The following PTPN3 variants were observed in gnomAD, a reference collection of about 807,000 sequenced individuals.
PTPN3 encodes protein tyrosine phosphatase non-receptor type 3.
In PTPN3, 96 loss-of-function variants were observed where a neutral mutation model predicts 132.7. The ratio of observed to expected loss-of-function variants is 0.72; its 90% CI spans 0.61 to 0.86. PTPN3 has a LOEUF of 0.86. Among genes scored for constraint, PTPN3 ranks in the 40% least tolerant of loss-of-function variants. The pLI is 0.00. For synonymous variants in PTPN3, 398 were observed against 429.0 expected (o/e 0.93, Z 0.89); for missense variants, 1,125 against 1,159.6 (o/e 0.97, Z 0.43).
At chr9:109,529,514 G>C in the PTPN3 span, among the ~76,000 whole-genome samples, 3 of 152,148 alleles carry the variant, frequency 2.0e-5, 1 homozygote, top group Non-Finnish European at 4.4e-5. Context: ...TCCAGCAAAG[G>C]CTCCTTTATT....
chr9:109,382,992 C>T (rs987924441), intron 23 of PTPN3, among the ~76,000 whole-genome samples: 6 of 152,134 alleles, frequency 3.9e-5, no homozygotes, highest in Non-Finnish European at 8.8e-5. Context: ...TGGCAACCAC[C>T]GTTCTACTTT....
chr9:109,415,052 A>ATCCGTCCGTCCGTCCG (rs1256859475), intron 14 of PTPN3, among the ~76,000 whole-genome samples: 4 of 133,854 alleles, frequency 3.0e-5, no homozygotes, highest in South Asian at 2.8e-4. Context: ...CCGTCCGTCC[A>ATCCGTCCGTCCGTCCG]TCCGTCCATC....
At position 109,381,668 on chromosome 9, in the gene PTPN3, A is replaced by G. The variant is rs200077324; in HGVS notation, c.2648T>C (p.Met883Thr). 6.2e-7 allele frequency: 1 copy of G among 1,614,232 alleles called. No individual in the cohort carries two copies. Among genetic ancestry groups the G allele is most frequent in the East Asian group, 2.2e-5 (1 of 44,870 alleles). The change falls in exon 25 of 26, where the codon ATG becomes ACG. Residue 883 changes from methionine to threonine, a missense_variant. By Grantham distance (81) the Met-to-Thr change is moderately conservative (BLOSUM62 -1). Transcript: ENST00000374541. ...IVRKMRDQRAMMVQTSSQYKF... is the reference protein window; with the variant it reads ...IVRKMRDQRATMVQTSSQYKF... ...TCTACTCACTGATGTCTGCACCATC[A>G]TGGCGCGCTGGTCTCGCATTTTTCG...
rs546784314 is a variant in PTPN3 at position 109,491,133 on chromosome 9, T to G, written c.-18+7086A>C. ...ATTGCTTGAATCCAGGAGGCGGAGGTTGCAGTGAACTGAGATCACACCACT... is the reference window on the plus strand; with the variant it reads ...ATTGCTTGAATCCAGGAGGCGGAGGGTGCAGTGAACTGAGATCACACCACT... On this transcript the variant is annotated intron_variant, in intron 1 of 25. Coordinates refer to ENST00000374541, the MANE Select transcript of PTPN3 (RefSeq NM_002829.4). 2.1e-4 allele frequency among the ~76,000 whole-genome samples: 32 copies of G among 150,130 alleles called. No individual in the cohort carries two copies. In the East Asian group the frequency reaches 4.6e-3, roughly 21 times the overall value.
At chr9:109,409,977 C>T (rs750419081) in intron 16 of PTPN3, 22 bp downstream of exon 16, 7 of 1,611,952 alleles carry the variant, frequency 4.3e-6, no homozygotes, top group Middle Eastern at 3.3e-4. Flanking sequence ...CACAAAACTT[C>T]CTTTATAAAT....
At chr9:109,379,915 G>C (rs1838891102) in intron 25 of PTPN3, among the ~76,000 whole-genome samples, 1 of 152,188 alleles carries the variant, frequency 6.6e-6, no homozygotes, top group African/African-American at 2.4e-5. Context: ...AGCCCTTCTT[G>C]TAAGTGGAAG....
intron 9 of PTPN3, among the ~76,000 whole-genome samples, chr9:109,435,375 T>G (rs528999797): frequency 6.6e-6 from 1 of 152,188 alleles, no homozygotes; most frequent in Non-Finnish European, 1.5e-5. Flanking sequence ...ATTTAAGAGC[T>G]GGTGTGTAAC....
chr9:109,459,901 C>T (rs138737281), intron 2 of PTPN3, among the ~76,000 whole-genome samples: 203 of 152,168 alleles, frequency 1.3e-3, no homozygotes, highest in African/African-American at 4.6e-3. Flanking sequence ...CCTTAAGCAC[C>T]GTTCGCAGCT....
intron 22 of PTPN3, among the ~76,000 whole-genome samples, chr9:109,385,432 G>A (rs1839496185): frequency 6.6e-6 from 1 of 152,194 alleles, no homozygotes; most frequent in South Asian, 2.1e-4. Flanking sequence ...ACTGAATGGT[G>A]CCTTTCATGA....
intron 19 of PTPN3, among the ~76,000 whole-genome samples, chr9:109,394,725 AT>A (rs1840422692): frequency 6.6e-6 from 1 of 152,276 alleles, no homozygotes; most frequent in Non-Finnish European, 1.5e-5. Context: ...CACACAGTGT[AT>A]ATAATGTGTA....
At chr9:109,470,648 A>ATTC (rs1846333601) in intron 1 of PTPN3, among the ~76,000 whole-genome samples, 3 of 151,024 alleles carry the variant, frequency 2.0e-5, no homozygotes, top group Admixed American at 2.0e-4. Flanking sequence ...GGGAGCTATG[A>ATTC]CCGCACCACT....
chr9:109,462,396 G>A (rs1845887078), intron 2 of PTPN3, among the ~76,000 whole-genome samples: 2 of 152,228 alleles, frequency 1.3e-5, no homozygotes, highest in South Asian at 4.1e-4. Flanking sequence ...AAGACCCAGG[G>A]ATCAGTTTTT....
rs1311618530 is a variant in PTPN3, at chr9:109,432,331, C to T, written c.764+742G>A. Among the ~76,000 whole-genome samples the T allele has an allele frequency of 2.0e-5, 3 of 152,078 alleles. No individual in the cohort carries two copies. In the South Asian group the frequency reaches 6.2e-4, roughly 32 times the overall value. ...CATTCCCTAACTTCCTTCCTTGCTGCCACTGTTTTGCCAAAACTCCGTGTT... is the reference window on the plus strand; with the variant it reads ...CATTCCCTAACTTCCTTCCTTGCTGTCACTGTTTTGCCAAAACTCCGTGTT... On this transcript the variant is annotated intron_variant, in intron 10 of 25. Coordinates refer to ENST00000374541, the MANE Select transcript of PTPN3 (RefSeq NM_002829.4).
intron 14 of PTPN3, chr9:109,417,774 C>T: frequency 1.0e-6 from 1 of 985,374 alleles, no homozygotes; most frequent in African/African-American, 1.7e-5. Flanking sequence ...TGTCTATTGT[C>T]AGTGCACCTG....
At chr9:109,475,868 G>A (rs1488260706) in intron 1 of PTPN3, among the ~76,000 whole-genome samples, 1 of 152,196 alleles carries the variant, frequency 6.6e-6, no homozygotes, top group African/African-American at 2.4e-5. Context: ...CAAGGAGTCT[G>A]AAGCCAGTGG....
chr9:109,533,616 G>T, the PTPN3 span: 1 of 1,527,394 alleles, frequency 6.5e-7, no homozygotes, highest in African/African-American at 1.4e-5. Context: ...CTATATCCCT[G>T]ATATATACTC....
intron 14 of PTPN3, 115 bp downstream of exon 14, chr9:109,420,309 G>A (rs751490340): frequency 9.1e-7 from 1 of 1,096,664 alleles, no homozygotes; most frequent in Non-Finnish European, 1.3e-6. Flanking sequence ...GCACCTGTGG[G>A]AGCTGGCTGC....
chr9:109,425,642 C>A (rs1364300077), intron 12 of PTPN3, among the ~76,000 whole-genome samples: 1 of 151,654 alleles, frequency 6.6e-6, no homozygotes, highest in Non-Finnish European at 1.5e-5. Context: ...ACCCAGGAGA[C>A]AGAGGTTGCA....
At chr9:109,532,918 T>C in the PTPN3 span, 2 of 992,184 alleles carry the variant, frequency 2.0e-6, no homozygotes, top group Non-Finnish European at 2.7e-6. Context: ...CTTTGCCACC[T>C]TGTGGTTTAG....
Sources: allele counts gnomAD v4.1 joint callset (sites outside exome capture counted in the v4.1 genomes callset), GRCh38; gene constraint gnomAD v4.1.1; transcripts MANE v1.5; gene names NCBI Gene and HGNC (gene_info 2026-07-23, HGNC 2026-07-21).